FREM2: variants seen among roughly 807,000 people sequenced by gnomAD.
The protein encoded by FREM2 is FRAS1 related extracellular matrix 2.
A neutral mutation model predicts 219.9 loss-of-function variants in FREM2; 119 were observed. That is an observed-to-expected ratio of 0.54 (90% confidence interval 0.47 to 0.63). The LOEUF (loss-of-function observed/expected upper bound fraction) is 0.63, where lower values mean the gene tolerates loss of function less well. Among genes scored for constraint, FREM2 ranks in the 30% least tolerant of loss-of-function variants. The pLI is 0.00. For synonymous variants in FREM2, 1,562 were observed against 1,522.8 expected (o/e 1.03, Z -0.60); for missense variants, 4,030 against 3,993.6 (o/e 1.01, Z -0.25).
chr13:38,726,539 A>G (rs966701536), intron 2 of FREM2, among the ~76,000 whole-genome samples: 4 of 152,192 alleles, frequency 2.6e-5, no homozygotes, highest in South Asian at 4.1e-4. Context: ...AAGTTTGTAA[A>G]TGGAGTCTAT....
Position 38,690,226 on chromosome 13 carries a change from C to A in FREM2, c.2882C>A (p.Ala961Asp). The change falls in exon 1 of 24, where the codon GCT (alanine) becomes GAT (aspartate). Residue 961 changes from alanine (A) to aspartate (D), a missense_variant. By Grantham distance (126) the Ala-to-Asp change is moderately radical. Coordinates refer to ENST00000280481, the MANE Select transcript of FREM2 (RefSeq NM_207361.6). ...ESYLDVLENGATEITANVIKG... is the reference protein window; with the variant it reads ...ESYLDVLENGDTEITANVIKG... ...TATCTAGATGTCTTAGAAAATGGGG[C>A]TACTGAAATCACTGCCAATGTTATT... 1 of 1,614,140 alleles carries A rather than the reference C, an allele frequency of 6.2e-7. No homozygotes were observed. Among genetic ancestry groups the A allele is most frequent in the Non-Finnish European group, 8.5e-7 (1 of 1,180,030 alleles).
In FREM2 at chr13:38,837,775, G is replaced by GTTTTTTTTTT. The variant is rs1555270912; in HGVS notation, c.6020-8794_6020-8793insTTTTTTTTTT. Among the ~76,000 whole-genome samples, 10 of 128,846 alleles carry GTTTTTTTTTT rather than the reference G, an allele frequency of 7.8e-5. 1 individual carries two copies. The highest frequency in any genetic ancestry group is 1.5e-4 in the African/African-American group (5 of 34,138). 84.5% of individuals were successfully genotyped at this position (128,846 alleles called of 152,430 possible). A position where few individuals can be genotyped will look rare whatever the true frequency, so the allele number is the denominator to read the frequency against. Reference sequence around the variant, plus strand: ...GGATTGCAACCCCTGGTTTTTTTTTGTTTTGTTTTGTTTTGTTTTTGCTTT... The same window carrying GTTTTTTTTTT: ...GGATTGCAACCCCTGGTTTTTTTTTGTTTTTTTTTTTTTTGTTTTGTTTTGTTTTTGCTTT... On this transcript the variant is annotated intron_variant, in intron 6 of 23. Transcript: ENST00000280481.
At chr13:38,864,648 A>C in intron 16 of FREM2, 42 bp downstream of exon 16, 1 of 1,555,742 alleles carries the variant, frequency 6.4e-7, no homozygotes. Context: ...TGGATAAACC[A>C]ATTGGTTTGT....
At position 38,802,879 on chromosome 13, in the gene FREM2, C is replaced by T. The variant is rs74389950; in HGVS notation, c.6019+18071C>T. 4.7e-3 allele frequency among the ~76,000 whole-genome samples: 715 copies of T among 152,200 alleles called. 7 individuals carry two copies. The highest frequency in any genetic ancestry group is 0.028 in the Admixed American group (423 of 15,296). ...AAAGTTTGTAGAGGGAATATGGAGC[C>T]CTGGGGGTCTGTCACTTACCCTTTC... On this transcript the variant is annotated intron_variant, in intron 6 of 23. Transcript: ENST00000280481.
At chr13:38,740,677 G>A (rs895899) in intron 2 of FREM2, among the ~76,000 whole-genome samples, 8,936 of 152,188 alleles carry the variant, frequency 0.059, 852 homozygotes, top group African/African-American at 0.2. Context: ...GGCCCTGTGG[G>A]CATCAATTAA....
intron 2 of FREM2, among the ~76,000 whole-genome samples, chr13:38,739,361 A>G (rs915087221): frequency 3.9e-5 from 6 of 152,206 alleles, no homozygotes; most frequent in Admixed American, 2.6e-4. Context: ...ACCTACTGGC[A>G]TACCAATAAA....
At chr13:38,842,551 C>T (rs898780613) in intron 6 of FREM2, among the ~76,000 whole-genome samples, 1 of 152,170 alleles carries the variant, frequency 6.6e-6, no homozygotes, top group African/African-American at 2.4e-5. Context: ...GTATTATTTT[C>T]AGCACCGGAC....
At chr13:38,869,931 C>T (rs151116205) in intron 16 of FREM2, among the ~76,000 whole-genome samples, 1,833 of 152,262 alleles carry the variant, frequency 0.012, 14 homozygotes, top group Non-Finnish European at 0.019. Flanking sequence ...AGAATCTTAA[C>T]TCTCCCATTT....
In FREM2 at chr13:38,754,603, G is replaced by A. The variant is rs2496397; in HGVS notation, c.5264-9701G>A. On this transcript the variant is annotated intron_variant, in intron 2 of 23. Transcript: ENST00000280481. The stretch of plus-strand genomic sequence containing the variant: ...GAATGTGGAAATACCTAAATTGCAG[G>A]GTTGCTGTGAGATGCATTGAGATAA... 9.8e-3 allele frequency among the ~76,000 whole-genome samples: 1,497 copies of A among 152,120 alleles called. 20 individuals are homozygous for A. The highest frequency in any genetic ancestry group is 0.035 in the African/African-American group (1,444 of 41,494).
Position 38,861,977 on chromosome 13 carries a change from T to G in FREM2, c.7651+415T>G, listed in dbSNP as rs376593527. Among the ~76,000 whole-genome samples, 11 of 152,350 alleles carry G rather than the reference T, an allele frequency of 7.2e-5. No homozygotes were observed. The East Asian group carries it at 1.7e-3, about 24-fold the overall frequency. On this transcript the variant is annotated intron_variant, in intron 15 of 23. Transcript: ENST00000280481. Reference sequence around the variant, plus strand: ...ATTTATCATGTAACTGTAAGACATTTCCAAGATATTTAAATAAAATAAAAA... The same window carrying G: ...ATTTATCATGTAACTGTAAGACATTGCCAAGATATTTAAATAAAATAAAAA...
Position 38,770,950 on chromosome 13 carries a change from T to A in FREM2, c.5641+1142T>A, listed in dbSNP as rs570806524. On this transcript the variant is annotated intron_variant, in intron 4 of 23. Transcript: ENST00000280481. ...CGTATAGAAACATCTAAAGCTAGGA[T>A]CCTGTCAGAAGCCAGACATGACTTT... is the stretch of plus-strand genomic sequence containing the variant. Among the ~76,000 whole-genome samples, 87 of 147,088 alleles carry A rather than the reference T, an allele frequency of 5.9e-4. 1 individual carries two copies. Among genetic ancestry groups the A allele is most frequent in the Non-Finnish European group, 1.2e-3 (79 of 68,010 alleles).
At chr13:38,792,730 C>A (rs908628866) in intron 6 of FREM2, among the ~76,000 whole-genome samples, 10 of 151,846 alleles carry the variant, frequency 6.6e-5, no homozygotes, top group African/African-American at 2.4e-4. Flanking sequence ...CAACTATAGG[C>A]AGCTAATATT....
chr13:38,773,201 C>A (rs151025672), intron 4 of FREM2, among the ~76,000 whole-genome samples: 2 of 152,048 alleles, frequency 1.3e-5, no homozygotes, highest in Non-Finnish European at 2.9e-5. Context: ...TATATGCTTG[C>A]TTATTTCTTT....
At chr13:38,857,105 A>G (rs996688718) in intron 12 of FREM2, among the ~76,000 whole-genome samples, 2 of 152,180 alleles carry the variant, frequency 1.3e-5, no homozygotes, top group African/African-American at 2.4e-5. Flanking sequence ...ATCACATAAG[A>G]TGAATCTTTT....
chr13:38,878,695 A>G, intron 22 of FREM2, 136 bp from the exon 23 acceptor site: 1 of 936,840 alleles, frequency 1.1e-6, no homozygotes, highest in African/African-American at 1.6e-5. Context: ...AACCAACAAA[A>G]TGATCATTTT....
chr13:38,723,741 T>G (rs1174545777), intron 2 of FREM2, among the ~76,000 whole-genome samples: 3 of 152,236 alleles, frequency 2.0e-5, no homozygotes, highest in Non-Finnish European at 4.4e-5. Flanking sequence ...GGGTACTAGC[T>G]ATGTACCATT....
rs570990445 is a variant in FREM2 at position 38,858,044 on chromosome 13, G to A, written c.7215+11G>A. 1.9e-6 allele frequency: 3 copies of A among 1,610,342 alleles called. No homozygotes were observed. The highest frequency in any genetic ancestry group is 2.2e-5 in the East Asian group (1 of 44,852). On this transcript the variant is annotated intron_variant, in intron 13 of 23. Transcript: ENST00000280481. Reference sequence around the variant, plus strand: ...GTCATCTGTATCACAGTGAGTAGGAGATTCACAAAATTGAGGAAAATTGTA... The same window carrying A: ...GTCATCTGTATCACAGTGAGTAGGAAATTCACAAAATTGAGGAAAATTGTA...
chr13:38,839,897 G>T (rs558351667), intron 6 of FREM2, among the ~76,000 whole-genome samples: 1 of 152,202 alleles, frequency 6.6e-6, no homozygotes, highest in African/African-American at 2.4e-5. Context: ...TGGGCTCCAT[G>T]GGGGTGGGAT....
At chr13:38,871,215 T>G (rs143209755) in intron 16 of FREM2, among the ~76,000 whole-genome samples, 37 of 152,326 alleles carry the variant, frequency 2.4e-4, no homozygotes, top group African/African-American at 7.9e-4. Flanking sequence ...TTCTATATAT[T>G]TTTATTAGGG....
Sources: allele counts gnomAD v4.1 joint callset (sites outside exome capture counted in the v4.1 genomes callset), GRCh38; gene constraint gnomAD v4.1.1; transcripts MANE v1.5; gene names NCBI Gene and HGNC (gene_info 2026-07-23, HGNC 2026-07-21).